The following SLC38A6 variants were observed in gnomAD, a reference collection of about 807,000 sequenced individuals.
SLC38A6 encodes N system amino acid transporter NAT-1.
SLC38A6 carries 73 observed loss-of-function variants against 65.0 expected under a neutral mutation model. The ratio of observed to expected loss-of-function variants is 1.12; its 90% CI spans 0.93 to 1.37. The LOEUF is 1.37. Ranked by LOEUF, SLC38A6 falls within the 40% of genes most tolerant of loss-of-function variation. The pLI is 0.00. For missense variants in SLC38A6, 561 were observed against 531.1 expected (o/e 1.06, Z -0.55); for synonymous variants, 183 against 178.8 (o/e 1.02, Z -0.19).
At chr14:61,061,114 A>G (rs533421594) in intron 15 of SLC38A6, among the ~76,000 whole-genome samples, 2 of 152,082 alleles carry the variant, frequency 1.3e-5, no homozygotes, top group African/African-American at 4.8e-5. Flanking sequence ...TGTAGACCGG[A>G]GCTGTTCCTA....
chr14:61,044,651 G>A (rs1003700389), intron 10 of SLC38A6, among the ~76,000 whole-genome samples: 2 of 152,172 alleles, frequency 1.3e-5, no homozygotes, highest in Non-Finnish European at 2.9e-5. Context: ...GATCACCATC[G>A]TCTATTTGGT....
chr14:61,011,597 G>C (rs757286322), intron 3 of SLC38A6, among the ~76,000 whole-genome samples: 20 of 152,090 alleles, frequency 1.3e-4, no homozygotes, highest in Non-Finnish European at 2.2e-4. Context: ...TGAATGGGCT[G>C]TTGAATTTTG....
At chr14:61,054,928 GT>G (rs1566717794), downstream of SLC38A6, among the ~76,000 whole-genome samples, 2 of 151,960 alleles carry the variant, frequency 1.3e-5, no homozygotes, top group Non-Finnish European at 1.5e-5. Flanking sequence ...GGGTATCCTC[GT>G]CTTAACGCCA....
rs1594779247 is a variant in SLC38A6, at chr14:61,065,653, C to T, written c.1291-13157C>T. ...CTATATTGTATTTGAAATGTGTATTCCACCCATTGGTGGAAGTGCTACAGC... is the reference window on the plus strand; with the variant it reads ...CTATATTGTATTTGAAATGTGTATTTCACCCATTGGTGGAAGTGCTACAGC... On this transcript the variant is annotated intron_variant, in intron 15 of 16. Transcript: ENST00000354886. 4.6e-5 allele frequency among the ~76,000 whole-genome samples: 7 copies of T among 152,278 alleles called. No individual in the cohort carries two copies. The South Asian group carries it at 1.5e-3, about 32-fold the overall frequency.
chr14:61,007,879 A>G (rs183387958), intron 3 of SLC38A6, among the ~76,000 whole-genome samples: 10 of 152,332 alleles, frequency 6.6e-5, no homozygotes, highest in African/African-American at 2.2e-4. Flanking sequence ...AACATTATCA[A>G]TTAAGCTTAA....
intron 15 of SLC38A6, among the ~76,000 whole-genome samples, chr14:61,075,401 A>G (rs1028812439): frequency 6.6e-6 from 1 of 152,196 alleles, no homozygotes; most frequent in Non-Finnish European, 1.5e-5. Flanking sequence ...CCAAGAAAAA[A>G]TGTAAGCCAC....
chr14:61,078,826 A>C (rs1002295157), exon 16 of SLC38A6: 20 of 209,270 alleles, frequency 9.6e-5, no homozygotes, highest in African/African-American at 4.6e-4. Flanking sequence ...ATTCTGTCGC[A>C]CAGGTTGGCG....
intron 2 of SLC38A6, among the ~76,000 whole-genome samples, chr14:60,983,322 C>T (rs2037212429): frequency 6.6e-6 from 1 of 152,134 alleles, no homozygotes; most frequent in South Asian, 2.1e-4. Context: ...GAAACCCCAT[C>T]TCTGCCCAAA....
intron 3 of SLC38A6, among the ~76,000 whole-genome samples, chr14:60,996,256 C>T (rs936030444): frequency 6.6e-6 from 1 of 152,100 alleles, no homozygotes; most frequent in Non-Finnish European, 1.5e-5. Context: ...ACAGACAATA[C>T]AAGACCAGAT....
At chr14:61,048,075 G>C (rs1340159462) in intron 12 of SLC38A6, 1 of 438,534 alleles carries the variant, frequency 2.3e-6, no homozygotes, top group Non-Finnish European at 4.5e-6. Flanking sequence ...TCCAAAGACA[G>C]AAGAGGCAGA....
intron 6 of SLC38A6, among the ~76,000 whole-genome samples, chr14:61,034,991 G>A (rs1263607621): frequency 1.3e-5 from 2 of 152,156 alleles, no homozygotes; most frequent in Non-Finnish European, 2.9e-5. Flanking sequence ...TGAAATCCAT[G>A]TAGAAGACCT....
chr14:61,026,222 A>T (rs2040602997), intron 5 of SLC38A6, among the ~76,000 whole-genome samples: 1 of 152,116 alleles, frequency 6.6e-6, no homozygotes, highest in African/African-American at 2.4e-5. Flanking sequence ...AATAACTCAT[A>T]AGAATACAGT....
chr14:60,997,379 T>C (rs957599776), intron 3 of SLC38A6, among the ~76,000 whole-genome samples: 3 of 152,230 alleles, frequency 2.0e-5, no homozygotes, highest in Middle Eastern at 3.4e-3. Context: ...CTGAAACTCC[T>C]AAGCTCCAGC....
intron 3 of SLC38A6, among the ~76,000 whole-genome samples, chr14:60,997,953 T>C (rs2038412686): frequency 6.6e-6 from 1 of 152,090 alleles, no homozygotes; most frequent in Non-Finnish European, 1.5e-5. Flanking sequence ...TAGAAATTCA[T>C]TCATTCAATA....
At chr14:61,082,860 TA>T (rs1167591769) in intron 16 of SLC38A6, among the ~76,000 whole-genome samples, 2 of 152,282 alleles carry the variant, frequency 1.3e-5, no homozygotes, top group South Asian at 2.1e-4. Context: ...CTCCTGACCC[TA>T]GCCTTAGGGA....
chr14:60,991,905 C>G (rs541923072), intron 3 of SLC38A6, among the ~76,000 whole-genome samples: 51 of 152,246 alleles, frequency 3.3e-4, no homozygotes, highest in Non-Finnish European at 6.6e-4. Context: ...GGATGCCTAC[C>G]AGCTGAATCT....
chr14:61,002,583 A>C (rs1450795507), intron 3 of SLC38A6, among the ~76,000 whole-genome samples: 2 of 152,194 alleles, frequency 1.3e-5, no homozygotes, highest in African/African-American at 4.8e-5. Context: ...TGGAATGACT[A>C]GCTGGAAATA....
chr14:61,007,028 A>G (rs1229675162), intron 3 of SLC38A6, among the ~76,000 whole-genome samples: 1 of 152,198 alleles, frequency 6.6e-6, no homozygotes, highest in Non-Finnish European at 1.5e-5. Context: ...TTGTAGGGAC[A>G]TGGATGAAAT....
chr14:61,036,957 ACT>A, intron 6 of SLC38A6, 100 bp from the exon 7 acceptor site: 7 of 342,680 alleles, frequency 2.0e-5, no homozygotes, highest in East Asian at 4.3e-5. Context: ...AATGGTTATA[ACT>A]CTGTGTGTGT....
Sources: allele counts gnomAD v4.1 joint callset (sites outside exome capture counted in the v4.1 genomes callset), GRCh38; gene constraint gnomAD v4.1.1; transcripts MANE v1.5; gene names NCBI Gene and HGNC (gene_info 2026-07-23, HGNC 2026-07-21).